Variants in EPB41 observed in about 807,000 individuals in gnomAD.
The protein encoded by EPB41 is erythrocyte membrane protein band 4.1.
EPB41 carries 65 observed loss-of-function variants against 108.0 expected under a neutral mutation model. That is an observed-to-expected ratio of 0.60 (90% CI 0.49 to 0.74). The LOEUF (loss-of-function observed/expected upper bound fraction) is 0.74, where lower values mean the gene tolerates loss of function less well. EPB41 is among the 30% of genes least tolerant of loss of function. The pLI, the probability that EPB41 is intolerant of heterozygous loss-of-function variation, is 0.00. For synonymous variants in EPB41, 336 were observed against 358.9 expected, an observed-to-expected ratio of 0.94 and a Z score of 0.72; for missense variants, 875 against 1,037.0, an observed-to-expected ratio of 0.84 and a Z score of 2.15.
intron 1 of EPB41, among the ~76,000 whole-genome samples, chr1:28,908,976 C>G (rs1424832041): frequency 1.3e-5 from 2 of 150,016 alleles, no homozygotes; most frequent in East Asian, 4.0e-4. Flanking sequence ...TAGCCTATCC[C>G]ACATGTCTCT....
intron 1 of EPB41, among the ~76,000 whole-genome samples, chr1:28,976,659 A>G (rs1330162174): frequency 6.7e-6 from 1 of 150,044 alleles, no homozygotes; most frequent in Admixed American, 6.6e-5. Context: ...TGGCCATGGA[A>G]TTTTAAACGG....
chr1:28,984,951 G>A (rs1236339004), intron 1 of EPB41, among the ~76,000 whole-genome samples: 1 of 151,968 alleles, frequency 6.6e-6, no homozygotes, highest in Non-Finnish European at 1.5e-5. Flanking sequence ...GAGCCACCAT[G>A]CCCAGCCCCC....
At chr1:28,929,121 A>G (rs2093602095) in intron 1 of EPB41, among the ~76,000 whole-genome samples, 1 of 152,200 alleles carries the variant, frequency 6.6e-6, no homozygotes, top group Non-Finnish European at 1.5e-5. Context: ...TGTGCTCTTA[A>G]TGAATGGGAA....
At chr1:29,105,701 G>C (rs575372300) in intron 17 of EPB41, among the ~76,000 whole-genome samples, 3 of 151,310 alleles carry the variant, frequency 2.0e-5, no homozygotes, top group African/African-American at 7.3e-5. Flanking sequence ...TTTCAGTTTG[G>C]GAAAATATTA....
chr1:29,046,822 A>G (rs887339486), intron 11 of EPB41, among the ~76,000 whole-genome samples: 5 of 152,286 alleles, frequency 3.3e-5, no homozygotes, highest in African/African-American at 1.2e-4. Flanking sequence ...AATGTGGTAT[A>G]TTATTTTTAC....
At chr1:28,970,959 T>C (rs1450587828) in intron 1 of EPB41, among the ~76,000 whole-genome samples, 2 of 152,010 alleles carry the variant, frequency 1.3e-5, no homozygotes, top group Non-Finnish European at 2.9e-5. Flanking sequence ...ACGATTCTCC[T>C]GTCTCAGCCT....
At chr1:29,072,816 T>C (rs777638558) in intron 16 of EPB41, 5 of 152,120 alleles carry the variant, frequency 3.3e-5, no homozygotes, top group Non-Finnish European at 7.4e-5. Context: ...ATTTGCAACA[T>C]AAAGCGTAAA....
At chr1:28,944,494 T>C (rs894570420) in intron 1 of EPB41, among the ~76,000 whole-genome samples, 1 of 151,674 alleles carries the variant, frequency 6.6e-6, no homozygotes, top group Non-Finnish European at 1.5e-5. Flanking sequence ...ATATGCTTAC[T>C]GTGTACTCAC....
chr1:28,993,602 C>G, intron 3 of EPB41, 60 bp downstream of exon 3: 3 of 1,477,186 alleles, frequency 2.0e-6, no homozygotes, highest in Non-Finnish European at 1.9e-6. Flanking sequence ...TCTAGAGTTG[C>G]GTAAGTGGTG....
At chr1:28,976,391 G>A (rs2095608733) in intron 1 of EPB41, among the ~76,000 whole-genome samples, 1 of 152,096 alleles carries the variant, frequency 6.6e-6, no homozygotes, top group South Asian at 2.1e-4. Flanking sequence ...GTTTCACTTT[G>A]TCACCCATGC....
chr1:29,073,885 ATTTC>A (rs1215840899), intron 16 of EPB41, among the ~76,000 whole-genome samples: 2 of 152,164 alleles, frequency 1.3e-5, no homozygotes, highest in South Asian at 2.1e-4. Flanking sequence ...GACCTGGTAC[ATTTC>A]TTTCTATTAA....
chr1:29,058,645 G>A lies in EPB41; in HGVS notation c.1902G>A (p.Gln634=), dbSNP rs1489817823. 3 of 1,613,114 alleles carry A rather than the reference G, an allele frequency of 1.9e-6. No homozygotes were observed. Among genetic ancestry groups the A allele is most frequent in the Non-Finnish European group, 2.5e-6 (3 of 1,179,598 alleles). ...TVPTSNGDQT[Q]KLAEKTEDLI... ...CCACCTCAAATGGTGACCAAACACA[G>A]GTTTGTGCCAATAGGCCACTTGTTC... Residue 634 remains glutamine (Q), a splice_region_variant and synonymous_variant, in exon 13 of 21, where the codon CAG becomes CAA. Coordinates refer to ENST00000343067, the MANE Select transcript of EPB41 (RefSeq NM_001376013.1).
At chr1:29,114,536 G>A (rs1670238224) in intron 19 of EPB41, among the ~76,000 whole-genome samples, 1 of 150,876 alleles carries the variant, frequency 6.6e-6, no homozygotes, top group South Asian at 2.1e-4. Context: ...CCAGCTACTT[G>A]GGAGGCTGAG....
intron 16 of EPB41, among the ~76,000 whole-genome samples, chr1:29,085,584 CATT>C (rs1658500987): frequency 6.6e-6 from 1 of 152,090 alleles, no homozygotes; most frequent in Non-Finnish European, 1.5e-5. Flanking sequence ...AATTCATCAT[CATT>C]GACTTTGACT....
intron 1 of EPB41, among the ~76,000 whole-genome samples, chr1:28,943,542 T>C (rs990677901): frequency 1.3e-5 from 2 of 152,008 alleles, no homozygotes; most frequent in Non-Finnish European, 2.9e-5. Context: ...TAGTCCCAGC[T>C]ACCTGGGAGA....
At chr1:29,052,829 T>C (rs1043373799) in intron 11 of EPB41, among the ~76,000 whole-genome samples, 1 of 152,240 alleles carries the variant, frequency 6.6e-6, no homozygotes, top group Non-Finnish European at 1.5e-5. Context: ...TTTCTATTTC[T>C]TTTCTTTGAT....
rs1016059685 is a variant in EPB41, at chr1:29,069,265, G to C, written c.2184+4107G>C. ...TCAGAGAAGGCTAGCTCAACTGAGA[G>C]AACTTAGAGCCAAGTTTTTCCTTTC... On this transcript the variant is annotated intron_variant, in intron 16 of 20. Transcript: ENST00000343067. 2.4e-6 allele frequency: 3 copies of C among 1,231,526 alleles called. No homozygotes were observed. In the African/African-American group the frequency reaches 4.7e-5, roughly 19 times the overall value. 76.3% of individuals were successfully genotyped at this position (1,231,526 alleles called of 1,614,324 possible).
intron 16 of EPB41, chr1:29,065,920 T>C (rs1383492623): frequency 1.3e-5 from 2 of 149,964 alleles, no homozygotes; most frequent in African/African-American, 5.0e-5. Flanking sequence ...TGAGCCATGA[T>C]TGCACCACTG....
intron 7 of EPB41, among the ~76,000 whole-genome samples, chr1:29,027,115 G>T (rs896816118): frequency 4.0e-5 from 6 of 151,438 alleles, no homozygotes; most frequent in Admixed American, 1.3e-4. Context: ...AAATTCTTAA[G>T]TTAGAATTAC....
Sources: allele counts gnomAD v4.1 joint callset (sites outside exome capture counted in the v4.1 genomes callset), GRCh38; gene constraint gnomAD v4.1.1; transcripts MANE v1.5; gene names NCBI Gene and HGNC (gene_info 2026-07-23, HGNC 2026-07-21).